NIBAN1: variants seen among roughly 807,000 people sequenced by gnomAD.
NIBAN1 encodes protein Niban 1.
NIBAN1 carries 81 observed loss-of-function variants against 75.1 expected under a neutral mutation model. The observed-to-expected ratio is 1.08, with a 90% CI of 0.90 to 1.30. The LOEUF (loss-of-function observed/expected upper bound fraction) is 1.30. Among genes scored for constraint, NIBAN1 ranks in the 50% most tolerant of loss-of-function variants. The pLI is 0.00. For missense variants in NIBAN1, 1,133 were observed against 1,128.1 expected, an observed-to-expected ratio of 1.00 and a Z score of -0.06; for synonymous variants, 436 against 424.8, an observed-to-expected ratio of 1.03 and a Z score of -0.32.
At chr1:184,820,335 G>T (rs1410942862) in intron 8 of NIBAN1, among the ~76,000 whole-genome samples, 1 of 152,160 alleles carries the variant, frequency 6.6e-6, no homozygotes, top group South Asian at 2.1e-4. Flanking sequence ...GGCCGTGGGA[G>T]GGTATATTCC....
Position 184,818,893 on chromosome 1 carries a change from A to G in NIBAN1, c.986-68T>C, listed in dbSNP as rs561687565. The G allele has an allele frequency of 1.3e-5, 19 of 1,515,442 alleles. No homozygotes were observed. In the East Asian group the frequency reaches 4.3e-4, roughly 35 times the overall value. 93.9% of individuals were successfully genotyped at this position (1,515,442 alleles called of 1,614,324 possible). ...CTGGGTTTGTGGGCACTGGAGCCAGACCAGAGCTGAATGGTGCCCCACGGA... is the reference window on the plus strand; with the variant it reads ...CTGGGTTTGTGGGCACTGGAGCCAGGCCAGAGCTGAATGGTGCCCCACGGA... On this transcript the variant is annotated intron_variant, in intron 8 of 13. Coordinates refer to ENST00000367511, the MANE Select transcript of NIBAN1 (RefSeq NM_052966.4).
intron 1 of NIBAN1, among the ~76,000 whole-genome samples, chr1:184,966,597 G>A (rs1461406258): frequency 1.3e-5 from 2 of 152,138 alleles, no homozygotes; most frequent in Non-Finnish European, 2.9e-5. Flanking sequence ...GAAACAAAGA[G>A]GTCTAGAACT....
At chr1:184,901,614 T>C (rs1656957072) in intron 1 of NIBAN1, among the ~76,000 whole-genome samples, 1 of 152,222 alleles carries the variant, frequency 6.6e-6, no homozygotes, top group African/African-American at 2.4e-5. Context: ...AAGCAGCCTG[T>C]TAATTTCTAA....
intron 1 of NIBAN1, among the ~76,000 whole-genome samples, chr1:184,959,696 GT>G (rs901974086): frequency 6.6e-6 from 1 of 152,146 alleles, no homozygotes; most frequent in African/African-American, 2.4e-5. Flanking sequence ...TCTGTTTGAG[GT>G]TTGCTTTTAA....
intron 1 of NIBAN1, among the ~76,000 whole-genome samples, chr1:184,939,093 C>A (rs1406681614): frequency 6.6e-6 from 1 of 152,200 alleles, no homozygotes; most frequent in South Asian, 2.1e-4. Flanking sequence ...ATTCATTCAA[C>A]ATTCAACAAA....
In NIBAN1 at chr1:184,959,909, T is replaced by G. The variant is rs76359061; in HGVS notation, c.55+14393A>C. On this transcript the variant is annotated intron_variant, in intron 1 of 13. Coordinates refer to ENST00000367511, the MANE Select transcript of NIBAN1 (RefSeq NM_052966.4). Reference sequence around the variant, plus strand: ...ACACATGATCTTCTGTTCTAGAAAATAAGCTTTTACTTGTTTAATAATTTT... The same window carrying G: ...ACACATGATCTTCTGTTCTAGAAAAGAAGCTTTTACTTGTTTAATAATTTT... Among the ~76,000 whole-genome samples the G allele has an allele frequency of 2.2e-3, 335 of 152,334 alleles. 2 individuals are homozygous for G. The highest frequency in any genetic ancestry group is 0.014 in the Middle Eastern group (4 of 294).
intron 1 of NIBAN1, among the ~76,000 whole-genome samples, chr1:184,953,345 A>G (rs1193725269): frequency 2.6e-5 from 4 of 152,232 alleles, no homozygotes. Flanking sequence ...CTACACAGTT[A>G]ACATTTTATG....
At chr1:184,862,492 G>A (rs1216125159) in intron 5 of NIBAN1, among the ~76,000 whole-genome samples, 3 of 151,890 alleles carry the variant, frequency 2.0e-5, no homozygotes, top group Non-Finnish European at 4.4e-5. Flanking sequence ...CTCTTACCAG[G>A]TTTTTGTTTT....
At chr1:184,920,355 T>C (rs1335886362) in intron 1 of NIBAN1, among the ~76,000 whole-genome samples, 1 of 152,220 alleles carries the variant, frequency 6.6e-6, no homozygotes, top group African/African-American at 2.4e-5. Context: ...ATTACCATAC[T>C]CATCACCTCA....
intron 1 of NIBAN1, among the ~76,000 whole-genome samples, chr1:184,924,621 T>C (rs1009989599): frequency 1.8e-4 from 28 of 152,174 alleles, no homozygotes; most frequent in Admixed American, 1.8e-3. Flanking sequence ...TGGTATTAGT[T>C]CTTTAAATGT....
At chr1:184,832,875 A>C (rs1655036204) in intron 5 of NIBAN1, among the ~76,000 whole-genome samples, 3 of 152,220 alleles carry the variant, frequency 2.0e-5, no homozygotes, top group Admixed American at 2.0e-4. Context: ...CATTTCCAGC[A>C]CATAAAATTG....
intron 2 of NIBAN1, among the ~76,000 whole-genome samples, chr1:184,894,882 A>G (rs1414963169): frequency 6.6e-6 from 1 of 152,206 alleles, no homozygotes; most frequent in Non-Finnish European, 1.5e-5. Context: ...ATTCCTAGTT[A>G]CATCTTCCAT....
chr1:184,962,999 T>C lies in NIBAN1; in HGVS notation c.55+11303A>G, dbSNP rs551263265. On this transcript the variant is annotated intron_variant, in intron 1 of 13. Transcript: ENST00000367511. The stretch of plus-strand genomic sequence containing the variant: ...AAAATGACATATTAGAATATCACCA[T>C]TTTTCAACCCCCAATAAATTTTTTT... 1.1e-4 allele frequency among the ~76,000 whole-genome samples: 17 copies of C among 152,232 alleles called. No individual in the cohort carries two copies. In the South Asian group the frequency reaches 3.5e-3, roughly 32 times the overall value.
intron 6 of NIBAN1, among the ~76,000 whole-genome samples, chr1:184,827,698 C>T (rs189130815): frequency 1.3e-5 from 2 of 151,726 alleles, no homozygotes; most frequent in African/African-American, 2.4e-5. Flanking sequence ...CCAACAAACC[C>T]GGGATCGCCC....
rs72637293 is a variant in NIBAN1, at chr1:184,828,500, T to C, written c.717+3347A>G. ...TTCTCCGGGCCCCTGGCCTCTTTTT[T>C]CTATGAGTCTTAGGGTAGACACTGC... On this transcript the variant is annotated intron_variant, in intron 6 of 13. Coordinates refer to ENST00000367511, the MANE Select transcript of NIBAN1 (RefSeq NM_052966.4). 1.2e-4 allele frequency among the ~76,000 whole-genome samples: 19 copies of C among 152,338 alleles called. No homozygotes were observed. The East Asian group carries it at 3.3e-3, about 26-fold the overall frequency.
chr1:184,823,136 A>G (rs1236180103), intron 8 of NIBAN1, 31 bp downstream of exon 8: 1 of 1,607,728 alleles, frequency 6.2e-7, no homozygotes, highest in East Asian at 2.2e-5. Context: ...AGCTTATTTA[A>G]TTAGTAAGAG....
chr1:184,862,458 A>C (rs1357076477), intron 5 of NIBAN1, among the ~76,000 whole-genome samples: 1 of 152,146 alleles, frequency 6.6e-6, no homozygotes, highest in African/African-American at 2.4e-5. Context: ...CTGGGACTAC[A>C]GTGGTATGCC....
chr1:184,807,055 C>T (rs1294590826), intron 10 of NIBAN1, among the ~76,000 whole-genome samples: 1 of 152,168 alleles, frequency 6.6e-6, no homozygotes, highest in Non-Finnish European at 1.5e-5. Context: ...CAGGCGTGAG[C>T]CACTGTGCCT....
At position 184,960,789 on chromosome 1, in the gene NIBAN1, C is replaced by T. The variant is rs549341120; in HGVS notation, c.55+13513G>A. Among the ~76,000 whole-genome samples, 87 of 152,198 alleles carry T rather than the reference C, an allele frequency of 5.7e-4. 2 individuals are homozygous for T. In the South Asian group the frequency reaches 0.018, roughly 31 times the overall value. On this transcript the variant is annotated intron_variant, in intron 1 of 13. Coordinates refer to ENST00000367511, the MANE Select transcript of NIBAN1 (RefSeq NM_052966.4). ...GACTATAGGCACGTGTGCCACCACA[C>T]CCGGCTAATTTTGTATTTTTAGTAG...
Sources: gnomAD v4.1 joint callset for allele counts (sites outside exome capture counted in the v4.1 genomes callset) on GRCh38, gnomAD v4.1.1 for gene constraint, MANE v1.5 for transcripts, NCBI Gene and HGNC (gene_info 2026-07-23, HGNC 2026-07-21) for gene names.